HMGA2: variants seen among roughly 807,000 people sequenced by gnomAD.
HMGA2 encodes the protein high mobility group protein HMGI-C.
HMGA2 carries 8 observed loss-of-function variants against 19.1 expected under a neutral mutation model. The observed-to-expected ratio is 0.42, with a 90% CI of 0.25 to 0.76. HMGA2 has a LOEUF of 0.76. Ranked by LOEUF, HMGA2 falls within the 30% of genes least tolerant of loss-of-function variation. The pLI, the probability that HMGA2 is intolerant of heterozygous loss-of-function variation, is 0.28. For missense variants in HMGA2, 109 were observed against 136.3 expected (o/e 0.80, Z 1.00); for synonymous variants, 60 against 48.8 (o/e 1.23, Z -0.96).
intron 3 of HMGA2, among the ~76,000 whole-genome samples, chr12:65,883,043 G>C (rs1188533644): frequency 6.6e-6 from 1 of 152,196 alleles, no homozygotes; most frequent in East Asian, 1.9e-4. Context: ...TCCCCGTTTA[G>C]ATTTCCTGAC....
chr12:65,953,662 T>C (rs578185865), intron 4 of HMGA2: 1 of 152,346 alleles, frequency 6.6e-6, no homozygotes, highest in African/African-American at 2.4e-5. Flanking sequence ...TCAATCTGGC[T>C]ATCTTACAGA....
intron 4 of HMGA2, chr12:65,956,543 A>T (rs1335404909): frequency 6.6e-6 from 1 of 152,244 alleles, no homozygotes; most frequent in Non-Finnish European, 1.5e-5. Context: ...CAGTTGTAAT[A>T]CAGGAATATT....
intron 3 of HMGA2, among the ~76,000 whole-genome samples, chr12:65,841,315 A>T (rs542689287): frequency 7.2e-5 from 11 of 152,212 alleles, no homozygotes; most frequent in African/African-American, 2.6e-4. Context: ...CTGGTTTCTA[A>T]TTTTTACTGG....
At chr12:65,841,693 A>G (rs1438910915) in intron 3 of HMGA2, among the ~76,000 whole-genome samples, 1 of 152,234 alleles carries the variant, frequency 6.6e-6, no homozygotes, top group African/African-American at 2.4e-5. Context: ...ATGGGTTAGA[A>G]GCCAAATTGT....
At chr12:65,938,306 GTAAATAATATCCT>G (rs1339010652) in intron 3 of HMGA2, among the ~76,000 whole-genome samples, 1 of 152,142 alleles carries the variant, frequency 6.6e-6, no homozygotes, top group African/African-American at 2.4e-5. Flanking sequence ...GTTATGTTAA[GTAAATAATATCCT>G]TATTATTAAA....
intron 3 of HMGA2, among the ~76,000 whole-genome samples, chr12:65,839,032 T>C (rs557578885): frequency 2.1e-5 from 3 of 143,978 alleles, no homozygotes; most frequent in Admixed American, 6.8e-5. Flanking sequence ...TGGCTTTTGT[T>C]TGGACACATC....
At chr12:65,860,070 C>T (rs1279617169) in intron 3 of HMGA2, 6 of 450,568 alleles carry the variant, frequency 1.3e-5, no homozygotes, top group Non-Finnish European at 2.2e-5. Flanking sequence ...CCAGCCTGGG[C>T]AACAGAGCAA....
intron 3 of HMGA2, among the ~76,000 whole-genome samples, chr12:65,905,182 TCACACA>T (rs139108942): frequency 4.7e-5 from 7 of 149,386 alleles, no homozygotes; most frequent in South Asian, 4.2e-4. Flanking sequence ...ATTGACTTTA[TCACACA>T]CACACACACA....
At position 65,881,786 on chromosome 12, in the gene HMGA2, A is replaced by T. The variant is rs1348832325; in HGVS notation, c.249+43217A>T. ...CCGTGCTGGTGAAGGAAGCCTGCTG[A>T]TCCCGGAACTGGCCTTGCGCGCAAG... is the stretch of plus-strand genomic sequence containing the variant. On this transcript the variant is annotated intron_variant, in intron 3 of 4. Coordinates refer to ENST00000403681, the MANE Select transcript of HMGA2 (RefSeq NM_003483.6). The T allele has an allele frequency of 7.1e-6, 5 of 703,028 alleles. No individual in the cohort carries two copies. The Admixed American group carries it at 1.0e-4, about 14-fold the overall frequency. The allele number at this position is 703,028 out of a possible 1,614,324, so 43.5% of individuals were successfully genotyped here. A position where few individuals can be genotyped will look rare whatever the true frequency, so the allele number is the denominator to read the frequency against.
intron 3 of HMGA2, among the ~76,000 whole-genome samples, chr12:65,917,234 A>T (rs1365221798): frequency 6.6e-6 from 1 of 152,106 alleles, no homozygotes; most frequent in Non-Finnish European, 1.5e-5. Flanking sequence ...GCAGACAGAA[A>T]TATCTGAGGA....
rs138755681 is a variant in HMGA2 at position 65,891,788 on chromosome 12, G to T, written c.249+53219G>T. On this transcript the variant is annotated intron_variant, in intron 3 of 4. Coordinates refer to ENST00000403681, the MANE Select transcript of HMGA2 (RefSeq NM_003483.6). The stretch of plus-strand genomic sequence containing the variant: ...GCAAGTGACTTATCTAATAACTGTG[G>T]GTCTCAGTTTCCTCACTCATAGTAT... Among the ~76,000 whole-genome samples the T allele has an allele frequency of 2.2e-3, 337 of 152,224 alleles. 1 individual carries two copies. Among genetic ancestry groups the T allele is most frequent in the Middle Eastern group, 0.01 (3 of 292 alleles).
intron 3 of HMGA2, among the ~76,000 whole-genome samples, chr12:65,911,011 C>T (rs1874822936): frequency 6.6e-6 from 1 of 152,124 alleles, no homozygotes; most frequent in African/African-American, 2.4e-5. Context: ...GCACTAGAGC[C>T]CCCACAGATT....
intron 3 of HMGA2, chr12:65,915,171 T>A: frequency 1.2e-6 from 2 of 1,612,018 alleles, no homozygotes; most frequent in Non-Finnish European, 1.7e-6. Context: ...TCATGTTATT[T>A]TCACCTTGAG....
intron 3 of HMGA2, among the ~76,000 whole-genome samples, chr12:65,850,995 A>G (rs1316473815): frequency 1.3e-5 from 2 of 152,232 alleles, no homozygotes; most frequent in Non-Finnish European, 2.9e-5. Context: ...GACAGAGAAC[A>G]TCTGCTATGT....
At chr12:65,879,416 C>G (rs1318148311) in intron 3 of HMGA2, among the ~76,000 whole-genome samples, 3 of 152,166 alleles carry the variant, frequency 2.0e-5, no homozygotes, top group African/African-American at 7.2e-5. Context: ...AGGTGTGAGC[C>G]ACCATGCCTG....
intron 3 of HMGA2, among the ~76,000 whole-genome samples, chr12:65,922,347 T>A (rs1041587568): frequency 9.5e-4 from 144 of 152,132 alleles, no homozygotes; most frequent in African/African-American, 3.1e-3. Flanking sequence ...ACCTCTTACA[T>A]CAGTATGACC....
At chr12:65,833,519 A>G (rs1870566052) in intron 2 of HMGA2, among the ~76,000 whole-genome samples, 1 of 152,072 alleles carries the variant, frequency 6.6e-6, no homozygotes, top group African/African-American at 2.4e-5. Flanking sequence ...AATAGCAAAA[A>G]ATTAATAGCC....
chr12:65,924,592 GATCGAGACCATCCTGGCCAAC>G, intron 3 of HMGA2, among the ~76,000 whole-genome samples: 1 of 152,284 alleles, frequency 6.6e-6, no homozygotes, highest in South Asian at 2.1e-4. Context: ...GAGGTCAAGA[GATCGAGACCATCCTGGCCAAC>G]ATGGTGAAAA....
At chr12:65,827,910 C>T in intron 1 of HMGA2, 91 bp from the exon 2 acceptor site, 1 of 868,494 alleles carries the variant, frequency 1.2e-6, no homozygotes, top group Non-Finnish European at 2.0e-6. Flanking sequence ...CTCTTTTGAG[C>T]AGCACATGCA....
Sources: gnomAD v4.1 joint callset for allele counts (sites outside exome capture counted in the v4.1 genomes callset) on GRCh38, gnomAD v4.1.1 for gene constraint, MANE v1.5 for transcripts, NCBI Gene and HGNC (gene_info 2026-07-23, HGNC 2026-07-21) for gene names.